Variants in RELN observed in about 807,000 individuals in gnomAD.
RELN encodes the protein reelin.
RELN carries 108 observed loss-of-function variants against 427.6 expected under a neutral mutation model. That is an observed-to-expected ratio of 0.25 (90% CI 0.22 to 0.30). The LOEUF (loss-of-function observed/expected upper bound fraction) is 0.30, where lower values mean the gene tolerates loss of function less well. Among genes scored for constraint, RELN ranks in the 10% least tolerant of loss-of-function variants. The pLI is 1.00. For synonymous variants in RELN, 1,524 were observed against 1,513.4 expected (o/e 1.01, Z -0.16); for missense variants, 3,715 against 4,302.8 (o/e 0.86, Z 3.82).
At chr7:103,746,470 G>C (rs1266600708) in intron 6 of RELN, among the ~76,000 whole-genome samples, 1 of 151,782 alleles carries the variant, frequency 6.6e-6, no homozygotes, top group Non-Finnish European at 1.5e-5. Context: ...TACTATCAGA[G>C]TGAACAGGCA....
chr7:103,576,105 C>T (rs1426207818), intron 28 of RELN, among the ~76,000 whole-genome samples: 1 of 152,166 alleles, frequency 6.6e-6, no homozygotes, highest in Non-Finnish European at 1.5e-5. Flanking sequence ...GTGGCACGTG[C>T]TTGTAGTCCC....
chr7:103,816,884 C>T (rs1223373525), intron 3 of RELN, among the ~76,000 whole-genome samples: 1 of 152,038 alleles, frequency 6.6e-6, no homozygotes, highest in African/African-American at 2.4e-5. Context: ...CAGAGTCTTG[C>T]TGCGATGCCC....
intron 3 of RELN, among the ~76,000 whole-genome samples, chr7:103,812,589 G>A (rs1232895826): frequency 6.6e-6 from 1 of 152,158 alleles, no homozygotes. Flanking sequence ...TTTATAGCTG[G>A]CTAGCACTGG....
At chr7:103,493,912 C>G (rs930958829) in intron 57 of RELN, among the ~76,000 whole-genome samples, 1 of 152,114 alleles carries the variant, frequency 6.6e-6, no homozygotes, top group African/African-American at 2.4e-5. Flanking sequence ...AGGATAGACT[C>G]TCTTTTTTTC....
In RELN at chr7:103,608,566, T is replaced by C. The variant is rs370045014; in HGVS notation, c.3008+2129A>G. On this transcript the variant is annotated intron_variant, in intron 22 of 64. Coordinates refer to ENST00000428762, the MANE Select transcript of RELN (RefSeq NM_005045.4). The stretch of plus-strand genomic sequence containing the variant: ...ATTTATTAAAAGAGATACTTTATAA[T>C]AAAACATCTCTTTAGCACATTGAGG... Among the ~76,000 whole-genome samples, 11 of 152,316 alleles carry C rather than the reference T, an allele frequency of 7.2e-5. No homozygotes were observed. The East Asian group carries it at 1.7e-3, about 24-fold the overall frequency.
At chr7:103,963,578 T>G (rs1343844393) in intron 1 of RELN, among the ~76,000 whole-genome samples, 1 of 152,174 alleles carries the variant, frequency 6.6e-6, no homozygotes, top group Non-Finnish European at 1.5e-5. Context: ...AAAGAAGCTT[T>G]TAACTATATC....
chr7:103,520,401 G>T (rs1413453147), intron 48 of RELN, among the ~76,000 whole-genome samples: 1 of 151,910 alleles, frequency 6.6e-6, no homozygotes, highest in Admixed American at 6.6e-5. Flanking sequence ...TCCGCCTCCC[G>T]AGTAGCTGGG....
chr7:103,595,948 A>C (rs924329610), intron 25 of RELN, among the ~76,000 whole-genome samples: 1 of 152,204 alleles, frequency 6.6e-6, no homozygotes, highest in African/African-American at 2.4e-5. Context: ...ATATATTCCC[A>C]ATACATCAAA....
At chr7:103,498,334 C>T (rs1828906276) in intron 53 of RELN, 82 bp from the exon 54 acceptor site, 2 of 1,272,972 alleles carry the variant, frequency 1.6e-6, no homozygotes, top group Non-Finnish European at 2.3e-6. Context: ...AGAGTGATGT[C>T]TTGGACTTAA....
At chr7:103,628,614 T>C (rs1236118467) in intron 20 of RELN, among the ~76,000 whole-genome samples, 1 of 152,202 alleles carries the variant, frequency 6.6e-6, no homozygotes, top group Non-Finnish European at 1.5e-5. Context: ...TTCTGTACAA[T>C]AGTGTGTAAA....
In RELN at chr7:103,489,832, C is replaced by G; in HGVS notation, c.9673G>C (p.Val3225Leu). ...TEKQSWAIDH[V>L]YIGEACPKLC... ...TTGGGGCAAGCCTCTCCAATGTACACGTGGTCAATTGCCCAGCTTTGCTTC... is the reference window on the plus strand; with the variant it reads ...TTGGGGCAAGCCTCTCCAATGTACAGGTGGTCAATTGCCCAGCTTTGCTTC... Residue 3225 changes from valine to leucine, a missense_variant, in exon 60 of 65, where the codon GTG becomes CTG. By Grantham distance (32) the Val-to-Leu change is conservative. This residue lies in a region of RELN where 1,310 missense variants were observed against 1,643.0 expected (regional missense o/e 0.80). Coordinates refer to ENST00000428762, the MANE Select transcript of RELN (RefSeq NM_005045.4). 2 of 1,614,214 alleles carry G rather than the reference C, an allele frequency of 1.2e-6. No homozygotes were observed. The highest frequency in any genetic ancestry group is 8.5e-7 in the Non-Finnish European group (1 of 1,180,040).
At chr7:103,704,201 C>A (rs553903701) in intron 8 of RELN, among the ~76,000 whole-genome samples, 1 of 152,324 alleles carries the variant, frequency 6.6e-6, no homozygotes, top group African/African-American at 2.4e-5. Flanking sequence ...AACTGTCACA[C>A]TATCACGTTG....
In RELN at chr7:103,661,456, A is replaced by G. The variant is rs1833139042; in HGVS notation, c.1361T>C (p.Leu454Pro). 6.2e-7 allele frequency: 1 copy of G among 1,613,760 alleles called. No individual in the cohort carries two copies. Among genetic ancestry groups the G allele is most frequent in the Non-Finnish European group, 8.5e-7 (1 of 1,179,766 alleles). Residue 454 changes from leucine to proline, a missense_variant, in exon 12 of 65, where the codon CTC becomes CCC. Leu to Pro is a moderately conservative substitution (Grantham distance 98). Transcript: ENST00000428762. ...TIESGLSMVF[L>P]KDGERKLCTP... ...GCATAATTTCCTCTCTCCATCTTTG[A>G]GGAAGACCATTGATAAGCCTGATTC... is the stretch of plus-strand genomic sequence containing the variant.
intron 10 of RELN, among the ~76,000 whole-genome samples, chr7:103,694,421 C>T (rs1213043041): frequency 6.6e-6 from 1 of 151,850 alleles, no homozygotes; most frequent in Non-Finnish European, 1.5e-5. Flanking sequence ...AAAAATGGGA[C>T]TAACACAGCA....
chr7:103,550,675 T>C (rs1830390949), intron 41 of RELN, among the ~76,000 whole-genome samples: 1 of 151,492 alleles, frequency 6.6e-6, no homozygotes, highest in African/African-American at 2.4e-5. Flanking sequence ...ATGCTCCCTA[T>C]ATACACTCTC....
At chr7:103,888,869 C>G (rs563536544) in intron 2 of RELN, among the ~76,000 whole-genome samples, 1 of 152,298 alleles carries the variant, frequency 6.6e-6, no homozygotes, top group East Asian at 1.9e-4. Context: ...ATCCCAACCA[C>G]TTGCACTACA....
At chr7:103,535,521 A>G (rs763695800) in intron 45 of RELN, 37 bp from the exon 46 acceptor site, 33 of 1,552,642 alleles carry the variant, frequency 2.1e-5, no homozygotes, top group Middle Eastern at 1.7e-4. Flanking sequence ...ATAAACACAT[A>G]TCTGCAGACC....
At chr7:103,922,653 C>G (rs950190164) in intron 1 of RELN, among the ~76,000 whole-genome samples, 4 of 152,228 alleles carry the variant, frequency 2.6e-5, no homozygotes, top group South Asian at 2.1e-4. Flanking sequence ...TGACTAATTA[C>G]AGAGTCAGTT....
chr7:103,525,792 T>G (rs1403310917), intron 46 of RELN, among the ~76,000 whole-genome samples: 8 of 152,118 alleles, frequency 5.3e-5, no homozygotes, highest in African/African-American at 1.9e-4. Flanking sequence ...TTATAGATAG[T>G]AGGTAAGTAA....
Sources: gnomAD v4.1 joint callset for allele counts (sites outside exome capture counted in the v4.1 genomes callset) on GRCh38, gnomAD v4.1.1 for gene constraint, gnomAD v4.1.1 regional missense constraint, MANE v1.5 for transcripts, NCBI Gene and HGNC (gene_info 2026-07-23, HGNC 2026-07-21) for gene names.